LRCH3: variants seen among roughly 807,000 people sequenced by gnomAD.
LRCH3 encodes DISP complex protein LRCH3.
A neutral mutation model predicts 104.5 loss-of-function variants in LRCH3; 68 were observed. That is an observed-to-expected ratio of 0.65 (90% CI 0.54 to 0.80). The LOEUF is 0.80. Among genes scored for constraint, LRCH3 ranks in the 30% least tolerant of loss-of-function variants. LRCH3 has a pLI of 0.00. For synonymous variants in LRCH3, 344 were observed against 361.3 expected (o/e 0.95, Z 0.54); for missense variants, 951 against 953.9 (o/e 1.00, Z 0.04).
intron 9 of LRCH3, among the ~76,000 whole-genome samples, chr3:197,838,655 T>A (rs1243831448): frequency 6.6e-6 from 1 of 152,220 alleles, no homozygotes; most frequent in Non-Finnish European, 1.5e-5. Context: ...TTTCAGTGCG[T>A]GGTCTGTATT....
chr3:197,870,048 G>C, intron 17 of LRCH3, 112 bp from the exon 18 acceptor site: 1 of 1,050,164 alleles, frequency 9.5e-7, no homozygotes, highest in African/African-American at 1.6e-5. Context: ...TGTACCTGCA[G>C]GAGGTAGAAA....
Position 197,882,028 on chromosome 3 carries a change from A to G in LRCH3, c.2209-1513A>G, listed in dbSNP as rs1459803434. Reference sequence around the variant, plus strand: ...CAGACTTTGGGGAATTGGGTTGGTTATATTTTTAAGATGTCTCAGAGTTGA... The same window carrying G: ...CAGACTTTGGGGAATTGGGTTGGTTGTATTTTTAAGATGTCTCAGAGTTGA... On this transcript the variant is annotated intron_variant, in intron 20 of 20. Coordinates refer to ENST00000425562, the MANE Select transcript of LRCH3 (RefSeq NM_001365715.1). The G allele has an allele frequency of 4.1e-6, 4 of 985,336 alleles. No homozygotes were observed. In the African/African-American group the frequency reaches 7.0e-5, roughly 17 times the overall value. 61.0% of individuals were successfully genotyped at this position (985,336 alleles called of 1,614,324 possible).
intron 20 of LRCH3, chr3:197,881,244 C>G (rs998153699): frequency 7.0e-6 from 7 of 995,016 alleles, no homozygotes; most frequent in Non-Finnish European, 8.4e-6. Context: ...CCTGAATCCC[C>G]GCTTTGTCGG....
At chr3:197,799,278 C>G (rs544248593) in intron 1 of LRCH3, among the ~76,000 whole-genome samples, 1 of 152,248 alleles carries the variant, frequency 6.6e-6, no homozygotes, top group African/African-American at 2.4e-5. Flanking sequence ...TTTCCAGTTC[C>G]TCTGTAAAAT....
intron 3 of LRCH3, among the ~76,000 whole-genome samples, chr3:197,817,810 C>G (rs575325953): frequency 2.6e-5 from 4 of 151,856 alleles, no homozygotes; most frequent in African/African-American, 7.2e-5. Flanking sequence ...TACTTCATTG[C>G]CATGTTTGTT....
chr3:197,812,504 G>GGTTTTTTTTTTT (rs1733248663), intron 1 of LRCH3, among the ~76,000 whole-genome samples: 2 of 48,956 alleles, frequency 4.1e-5, no homozygotes, highest in African/African-American at 7.9e-5. Context: ...TCTGCTTTCA[G>GGTTTTTTTTTTT]TTTTTTTTTT....
intron 10 of LRCH3, among the ~76,000 whole-genome samples, chr3:197,844,146 C>G (rs754053519): frequency 3.3e-5 from 5 of 152,102 alleles, no homozygotes; most frequent in Admixed American, 6.5e-5. Flanking sequence ...TTGGTGTATT[C>G]AAGAAACACC....
chr3:197,849,846 A>G (rs1467828072), intron 12 of LRCH3, among the ~76,000 whole-genome samples: 3 of 152,246 alleles, frequency 2.0e-5, no homozygotes, highest in African/African-American at 7.2e-5. Context: ...ATAAAGATGC[A>G]TAAAATACAA....
chr3:197,801,757 CT>C (rs1731924693), intron 1 of LRCH3, among the ~76,000 whole-genome samples: 2 of 152,116 alleles, frequency 1.3e-5, no homozygotes, highest in Non-Finnish European at 2.9e-5. Context: ...AATTTAGCAG[CT>C]TAAAATAGCA....
chr3:197,863,451 G>A (rs1741114494), intron 15 of LRCH3, among the ~76,000 whole-genome samples: 3 of 152,004 alleles, frequency 2.0e-5, no homozygotes, highest in African/African-American at 7.3e-5. Flanking sequence ...AGTAGAGACG[G>A]GGTTTCACCA....
intron 3 of LRCH3, among the ~76,000 whole-genome samples, chr3:197,818,563 G>A (rs1308219629): frequency 1.3e-4 from 20 of 152,290 alleles, no homozygotes. Flanking sequence ...CTACATTCTA[G>A]ACCACTATTT....
chr3:197,878,404 C>T (rs1218656075), intron 20 of LRCH3, among the ~76,000 whole-genome samples: 3 of 152,102 alleles, frequency 2.0e-5, no homozygotes, highest in Non-Finnish European at 2.9e-5. Context: ...TGTTATGGGC[C>T]AGCCTGCCCC....
intron 4 of LRCH3, among the ~76,000 whole-genome samples, chr3:197,824,780 C>T (rs750608080): frequency 9.9e-5 from 15 of 151,788 alleles, no homozygotes; most frequent in Non-Finnish European, 1.5e-4. Flanking sequence ...CCATCTTGGC[C>T]AGGCTGGTCT....
intron 10 of LRCH3, among the ~76,000 whole-genome samples, chr3:197,844,790 C>T (rs562302639): frequency 5.9e-5 from 9 of 151,930 alleles, no homozygotes; most frequent in Admixed American, 3.3e-4. Context: ...GCCAGTTTTT[C>T]GTATTTTTTT....
At chr3:197,878,825 G>C (rs1380399806) in intron 20 of LRCH3, among the ~76,000 whole-genome samples, 1 of 152,160 alleles carries the variant, frequency 6.6e-6, no homozygotes, top group Non-Finnish European at 1.5e-5. Flanking sequence ...GGTCATTCTG[G>C]CCTTTACTTA....
At chr3:197,807,876 C>A (rs1267996113) in intron 1 of LRCH3, among the ~76,000 whole-genome samples, 1 of 151,992 alleles carries the variant, frequency 6.6e-6, no homozygotes, top group East Asian at 1.9e-4. Flanking sequence ...CCTTCATGTC[C>A]CTTTTCTTTC....
intron 20 of LRCH3, chr3:197,881,583 C>T: frequency 4.1e-6 from 4 of 985,288 alleles, no homozygotes; most frequent in African/African-American, 3.5e-5. Flanking sequence ...AGTATTAGGG[C>T]AGCAGTCCCT....
At chr3:197,807,894 T>C (rs1360877096) in intron 1 of LRCH3, among the ~76,000 whole-genome samples, 9 of 152,202 alleles carry the variant, frequency 5.9e-5, no homozygotes, top group South Asian at 2.1e-4. Context: ...TTCCCTGTTA[T>C]AGTTGTCTTA....
At chr3:197,872,360 GAAAA>G (rs56254857) in intron 19 of LRCH3, among the ~76,000 whole-genome samples, 30 of 105,382 alleles carry the variant, frequency 2.8e-4, no homozygotes, top group South Asian at 1.6e-3. Context: ...CTGTCTCAAA[GAAAA>G]AAAAAAAAAA....
Sources: allele counts gnomAD v4.1 joint callset (sites outside exome capture counted in the v4.1 genomes callset), GRCh38; gene constraint gnomAD v4.1.1; transcripts MANE v1.5; gene names NCBI Gene and HGNC (gene_info 2026-07-23, HGNC 2026-07-21).